The following NAALADL2 variants were observed in gnomAD, a reference collection of about 807,000 sequenced individuals.
The protein encoded by NAALADL2 is inactive N-acetylated-alpha-linked acidic dipeptidase-like protein 2.
Under a neutral mutation model 87.2 loss-of-function variants are expected in NAALADL2, and 76 were observed. That is an observed-to-expected ratio of 0.87 (90% CI 0.72 to 1.05). The LOEUF (loss-of-function observed/expected upper bound fraction) is 1.05. NAALADL2 is among the 50% of genes least tolerant of loss of function. NAALADL2 has a pLI of 0.00. For synonymous variants in NAALADL2, 354 were observed against 331.0 expected, an observed-to-expected ratio of 1.07 and a Z score of -0.75; for missense variants, 1,089 against 945.8, an observed-to-expected ratio of 1.15 and a Z score of -1.99.
chr3:174,887,229 A>C (rs961497659), intron 1 of NAALADL2, among the ~76,000 whole-genome samples: 4 of 152,010 alleles, frequency 2.6e-5, no homozygotes, highest in Admixed American at 2.6e-4. Flanking sequence ...TGAACACTAA[A>C]ATTGTCTAAT....
chr3:174,600,440 G>GAT (rs528343773), intron 2 of NAALADL2, among the ~76,000 whole-genome samples: 60 of 151,900 alleles, frequency 3.9e-4, no homozygotes, highest in Non-Finnish European at 6.2e-4. Context: ...ATGGTTTTCA[G>GAT]ATATATATAT....
intron 1 of NAALADL2, among the ~76,000 whole-genome samples, chr3:174,910,818 C>T (rs911124675): frequency 5.3e-5 from 8 of 152,084 alleles, no homozygotes; most frequent in African/African-American, 1.9e-4. Flanking sequence ...GAAATATGGG[C>T]CCCAAATTAA....
chr3:174,735,659 A>T (rs1172227144), intron 2 of NAALADL2, among the ~76,000 whole-genome samples: 2 of 152,122 alleles, frequency 1.3e-5, no homozygotes, highest in East Asian at 3.9e-4. Context: ...TCACAGGCTC[A>T]AGTGATCCTT....
chr3:174,617,447 A>G (rs527956452), intron 2 of NAALADL2, among the ~76,000 whole-genome samples: 120 of 151,874 alleles, frequency 7.9e-4, no homozygotes, highest in African/African-American at 2.8e-3. Context: ...GACAAATTGT[A>G]CAATTTAATA....
intron 3 of NAALADL2, among the ~76,000 whole-genome samples, chr3:174,820,466 C>T (rs1032725923): frequency 6.6e-6 from 1 of 151,966 alleles, no homozygotes; most frequent in African/African-American, 2.4e-5. Context: ...ATAGTATATA[C>T]AATTGTAGTG....
At chr3:175,411,625 G>C (rs1300127932) in intron 5 of NAALADL2, among the ~76,000 whole-genome samples, 1 of 152,102 alleles carries the variant, frequency 6.6e-6, no homozygotes, top group East Asian at 1.9e-4. Context: ...AGTGATTCAT[G>C]TGAAGAAATT....
chr3:174,723,552 C>T (rs1418940479), intron 2 of NAALADL2, among the ~76,000 whole-genome samples: 1 of 151,826 alleles, frequency 6.6e-6, no homozygotes, highest in Non-Finnish European at 1.5e-5. Flanking sequence ...TCAGGAGATC[C>T]AGACCATCCT....
At chr3:175,480,917 A>T (rs932544621) in intron 9 of NAALADL2, among the ~76,000 whole-genome samples, 1 of 151,920 alleles carries the variant, frequency 6.6e-6, no homozygotes, top group Admixed American at 6.6e-5. Flanking sequence ...TGCTCTTTGT[A>T]AAAAGTGTAT....
chr3:175,258,736 G>A (rs1033527104), intron 4 of NAALADL2, among the ~76,000 whole-genome samples: 9 of 152,124 alleles, frequency 5.9e-5, no homozygotes, highest in African/African-American at 1.9e-4. Context: ...AGGGCTTAAT[G>A]TATGTCCCCT....
chr3:175,389,860 T>A (rs1031163997), intron 5 of NAALADL2, among the ~76,000 whole-genome samples: 1 of 152,150 alleles, frequency 6.6e-6, no homozygotes, highest in African/African-American at 2.4e-5. Context: ...TTACAAACAC[T>A]AGAAGAATAT....
At chr3:174,555,216 G>A (rs1202869330) in intron 2 of NAALADL2, among the ~76,000 whole-genome samples, 1 of 152,142 alleles carries the variant, frequency 6.6e-6, no homozygotes, top group Non-Finnish European at 1.5e-5. Flanking sequence ...GAAACACAGA[G>A]CAAAAAGAGA....
intron 1 of NAALADL2, among the ~76,000 whole-genome samples, chr3:174,536,937 A>T (rs983666209): frequency 6.6e-6 from 1 of 152,198 alleles, no homozygotes. Flanking sequence ...AATAATGCAA[A>T]TAACAATATT....
intron 1 of NAALADL2, among the ~76,000 whole-genome samples, chr3:175,001,882 T>A (rs1748282097): frequency 6.6e-6 from 1 of 152,186 alleles, no homozygotes; most frequent in Admixed American, 6.6e-5. Flanking sequence ...TCATGTATTA[T>A]GTTACAGTCA....
chr3:175,185,072 C>T (rs1042146049), intron 2 of NAALADL2, among the ~76,000 whole-genome samples: 58 of 152,134 alleles, frequency 3.8e-4, no homozygotes, highest in African/African-American at 1.4e-3. Flanking sequence ...GTGATGTTTA[C>T]TTTCTGAAAC....
rs115789356 is a variant in NAALADL2, at chr3:174,852,381, C to T, written c.-9+114635C>T. Among the ~76,000 whole-genome samples, 434 of 152,094 alleles carry T rather than the reference C, an allele frequency of 2.9e-3. 3 individuals carry two copies. Among genetic ancestry groups the T allele is most frequent in the African/African-American group, 9.3e-3 (386 of 41,514 alleles). ...ACAAATTTAGTAAAGTTTCAGGACA[C>T]GAAGTTAACATACAAATTCAGTGGC... On this transcript the variant is annotated intron_variant, in intron 3 of 3. Coordinates refer to the NAALADL2 transcript ENST00000434257.
Position 174,479,226 on chromosome 3 carries a change from G to A in NAALADL2, c.-184+38194G>A, listed in dbSNP as rs143156934. Among the ~76,000 whole-genome samples, 1,463 of 152,220 alleles carry A rather than the reference G, an allele frequency of 9.6e-3. 8 individuals carry two copies. The highest frequency in any genetic ancestry group is 0.014 in the Non-Finnish European group (949 of 68,012). The stretch of plus-strand genomic sequence containing the variant: ...CAAAGTTGACTAAGATTTAATCGAA[G>A]TTTAATGTTTTATTCCCTCCTAGCC... On this transcript the variant is annotated intron_variant, in intron 1 of 3. Coordinates refer to the NAALADL2 transcript ENST00000434257.
intron 2 of NAALADL2, among the ~76,000 whole-genome samples, chr3:175,123,241 A>T (rs1389042175): frequency 1.3e-5 from 2 of 151,984 alleles, no homozygotes; most frequent in Non-Finnish European, 1.5e-5. Context: ...AAGAGAAGAC[A>T]TTAGAATATG....
rs187645758 is a variant in NAALADL2, at chr3:174,954,977, T to C, written c.43+95527T>C. ...ATTTCTACATCCGTTAACAACAATA[T>C]ATTATTTTTTAAAGTCTCCTTATAA... On this transcript the variant is annotated intron_variant, in intron 1 of 13. Coordinates refer to ENST00000454872, the MANE Select transcript of NAALADL2 (RefSeq NM_207015.3). 2.6e-3 allele frequency among the ~76,000 whole-genome samples: 393 copies of C among 152,242 alleles called. 5 individuals are homozygous for C. Among genetic ancestry groups the C allele is most frequent in the African/African-American group, 9.0e-3 (373 of 41,558 alleles).
At chr3:175,187,934 C>T (rs1737588821) in intron 2 of NAALADL2, among the ~76,000 whole-genome samples, 2 of 152,064 alleles carry the variant, frequency 1.3e-5, no homozygotes, top group Admixed American at 6.6e-5. Context: ...AATGCCAGCT[C>T]GTTTCTTCTC....
Sources: gnomAD v4.1 joint callset for allele counts (sites outside exome capture counted in the v4.1 genomes callset) on GRCh38, gnomAD v4.1.1 for gene constraint, MANE v1.5 for transcripts, NCBI Gene and HGNC (gene_info 2026-07-23, HGNC 2026-07-21) for gene names.